RAI14: variants seen among roughly 807,000 people sequenced by gnomAD.
RAI14 encodes retinoic acid induced 14.
RAI14 carries 45 observed loss-of-function variants against 115.4 expected under a neutral mutation model. The ratio of observed to expected loss-of-function variants is 0.39; its 90% CI spans 0.31 to 0.50. The LOEUF is 0.50. RAI14 is among the 20% of genes least tolerant of loss of function. The pLI is 0.85. For missense variants in RAI14, 939 were observed against 1,131.2 expected (o/e 0.83, Z 2.44); for synonymous variants, 371 against 415.4 (o/e 0.89, Z 1.30).
intron 7 of RAI14, among the ~76,000 whole-genome samples, chr5:34,809,443 G>A (rs1168092772): frequency 6.6e-6 from 1 of 152,134 alleles, no homozygotes; most frequent in African/African-American, 2.4e-5. Context: ...TTCATTTGAT[G>A]AATCCGATTT....
chr5:34,824,231 G>A lies in RAI14; in HGVS notation c.2389G>A (p.Glu797Lys). ...SSYEKLQSSLESEVSVLASKL... is the reference protein window; with the variant it reads ...SSYEKLQSSLKSEVSVLASKL... ...CTATGAAAAACTCCAGTCATCCTTA[G>A]AGAGTGAAGTGAGTGTGTTGGCATC... Residue 797 changes from glutamate to lysine, a missense_variant, in exon 15 of 18, where the codon GAG becomes AAG. Glu to Lys is a moderately conservative substitution (Grantham distance 56). Transcript: ENST00000265109. 1.2e-6 allele frequency: 2 copies of A among 1,614,206 alleles called. No homozygotes were observed. The highest frequency in any genetic ancestry group is 8.5e-7 in the Non-Finnish European group (1 of 1,180,016).
At chr5:34,669,596 C>T (rs1441268548) in intron 1 of RAI14, among the ~76,000 whole-genome samples, 1 of 152,244 alleles carries the variant, frequency 6.6e-6, no homozygotes, top group African/African-American at 2.4e-5. Flanking sequence ...TGTGGCTTCC[C>T]GAACAGTAGC....
chr5:34,811,727 A>G, intron 8 of RAI14, 40 bp from the exon 9 acceptor site: 12 of 1,522,632 alleles, frequency 7.9e-6, no homozygotes, highest in Non-Finnish European at 1.1e-5. Flanking sequence ...GACTTTTTAC[A>G]TTCTCTTAGT....
chr5:34,777,745 C>T (rs755004619), intron 3 of RAI14, among the ~76,000 whole-genome samples: 1 of 152,122 alleles, frequency 6.6e-6, no homozygotes, highest in African/African-American at 2.4e-5. Context: ...TGCTATTGCA[C>T]TCCAGCCTGG....
chr5:34,755,208 C>G (rs1747724475), intron 2 of RAI14, among the ~76,000 whole-genome samples: 1 of 152,140 alleles, frequency 6.6e-6, no homozygotes, highest in Admixed American at 6.6e-5. Flanking sequence ...TTCTATTCTA[C>G]TAACAAATGA....
chr5:34,668,516 A>G (rs373415608), intron 1 of RAI14, among the ~76,000 whole-genome samples: 7 of 152,086 alleles, frequency 4.6e-5, no homozygotes, highest in East Asian at 1.9e-4. Context: ...GCACAGGCCC[A>G]CTTCAGACCC....
chr5:34,830,903 C>T lies in RAI14; in HGVS notation c.*138C>T. 6.9e-7 allele frequency: 1 copy of T among 1,445,832 alleles called. No individual in the cohort carries two copies. The highest frequency in any genetic ancestry group is 9.2e-7 in the Non-Finnish European group (1 of 1,092,110). 89.6% of individuals were successfully genotyped at this position (1,445,832 alleles called of 1,614,324 possible). ...TAGCTTCTTCCCTTTCCAAAGGTTT[C>T]TGAGGACTTCTCCCAGGAGAAGACT... is the stretch of plus-strand genomic sequence containing the variant. On this transcript the variant is annotated 3_prime_UTR_variant, in exon 18 of 18. Transcript: ENST00000265109.
chr5:34,797,734 A>G (rs1469030960), intron 4 of RAI14, among the ~76,000 whole-genome samples: 2 of 152,200 alleles, frequency 1.3e-5, no homozygotes, highest in South Asian at 2.1e-4. Flanking sequence ...GTTTGTTTTT[A>G]AAGTTCATTG....
At chr5:34,720,626 G>A (rs192310242) in intron 2 of RAI14, among the ~76,000 whole-genome samples, 26 of 151,954 alleles carry the variant, frequency 1.7e-4, no homozygotes, top group Non-Finnish European at 2.8e-4. Context: ...TAGCCAGGGT[G>A]GTCTCGATCT....
chr5:34,799,532 ACACACAC>A (rs762482465), intron 4 of RAI14, among the ~76,000 whole-genome samples: 2,181 of 82,134 alleles, frequency 0.027, 22 homozygotes, highest in Admixed American at 0.045. Context: ...ACACACACAC[ACACACAC>A]AAAACCACCT....
intron 2 of RAI14, among the ~76,000 whole-genome samples, chr5:34,709,071 A>G (rs1272153401): frequency 6.6e-6 from 1 of 150,744 alleles, no homozygotes; most frequent in African/African-American, 2.4e-5. Context: ...TTGAGGTTAC[A>G]GTAAGCTATG....
intron 4 of RAI14, 105 bp downstream of exon 4, chr5:34,796,132 A>C: frequency 1.1e-6 from 1 of 889,200 alleles, no homozygotes; most frequent in Non-Finnish European, 1.8e-6. Flanking sequence ...GTGGTAACTC[A>C]TCCTGTAATT....
chr5:34,826,575 G>T, intron 16 of RAI14, 96 bp downstream of exon 16: 2 of 1,441,852 alleles, frequency 1.4e-6, no homozygotes, highest in East Asian at 4.7e-5. Flanking sequence ...TGAACAAAAA[G>T]ATTCCCAGCC....
chr5:34,686,983 C>T, intron 2 of RAI14, 28 bp downstream of exon 2: 1 of 1,612,756 alleles, frequency 6.2e-7, no homozygotes, highest in Non-Finnish European at 8.5e-7. Context: ...CACAGTCTGG[C>T]TGTTCCTTCT....
chr5:34,757,218 GA>G, intron 2 of RAI14: 1 of 536,950 alleles, frequency 1.9e-6, no homozygotes, highest in Non-Finnish European at 3.6e-6. Context: ...TTAGTTAAAA[GA>G]AGTAAATTTT....
At chr5:34,675,068 T>G (rs1468815657) in intron 1 of RAI14, among the ~76,000 whole-genome samples, 3 of 152,104 alleles carry the variant, frequency 2.0e-5, no homozygotes, top group Non-Finnish European at 2.9e-5. Context: ...AGCTAATTTT[T>G]GTATTTTTAG....
intron 4 of RAI14, among the ~76,000 whole-genome samples, chr5:34,802,647 G>C (rs1399531347): frequency 1.3e-5 from 2 of 152,168 alleles, no homozygotes; most frequent in African/African-American, 4.8e-5. Context: ...AGGGGTGTCT[G>C]TCCTCACCAA....
Position 34,683,117 on chromosome 5 carries a change from C to T in RAI14, c.-48-3755C>T, listed in dbSNP as rs145871642. On this transcript the variant is annotated intron_variant, in intron 1 of 17. Transcript: ENST00000265109. ...CAGGGGCCACATTACTTTCCGCCAG[C>T]CATGGCTTCCAGGTGTTAGATCCTT... Among the ~76,000 whole-genome samples, 22 of 152,344 alleles carry T rather than the reference C, an allele frequency of 1.4e-4. No individual in the cohort carries two copies. The East Asian group carries it at 3.3e-3, about 23-fold the overall frequency.
At chr5:34,715,507 G>A (rs547392661) in intron 2 of RAI14, among the ~76,000 whole-genome samples, 4 of 152,176 alleles carry the variant, frequency 2.6e-5, no homozygotes, top group African/African-American at 9.6e-5. Context: ...CTGTTCTCCT[G>A]AACCACTCTG....
Sources: gnomAD v4.1 joint callset for allele counts (sites outside exome capture counted in the v4.1 genomes callset) on GRCh38, gnomAD v4.1.1 for gene constraint, MANE v1.5 for transcripts, NCBI Gene and HGNC (gene_info 2026-07-23, HGNC 2026-07-21) for gene names.